CNTN3: variants seen among roughly 807,000 people sequenced by gnomAD.
The protein encoded by CNTN3 is contactin 3.
CNTN3 carries 60 observed loss-of-function variants against 119.1 expected under a neutral mutation model. The ratio of observed to expected loss-of-function variants is 0.50; its 90% CI spans 0.41 to 0.62. The LOEUF (loss-of-function observed/expected upper bound fraction) is 0.62, where lower values mean the gene tolerates loss of function less well. Ranked by LOEUF, CNTN3 falls within the 20% of genes least tolerant of loss-of-function variation. The probability of loss-of-function intolerance (pLI) is 0.00; values close to 1 mark genes in which losing one functional copy is unlikely to be tolerated. For missense variants in CNTN3, 1,101 were observed against 1,242.4 expected, an observed-to-expected ratio of 0.89 and a Z score of 1.71; for synonymous variants, 450 against 438.7, an observed-to-expected ratio of 1.03 and a Z score of -0.32.
chr3:74,515,387 GC>G (rs1703433531), intron 2 of CNTN3, among the ~76,000 whole-genome samples: 1 of 151,998 alleles, frequency 6.6e-6, no homozygotes, highest in South Asian at 2.1e-4. Flanking sequence ...TGAGGAAATG[GC>G]CTCTTTCCAC....
chr3:74,318,125 C>A (rs866593148), intron 13 of CNTN3, among the ~76,000 whole-genome samples: 1 of 152,178 alleles, frequency 6.6e-6, no homozygotes, highest in Admixed American at 6.5e-5. Flanking sequence ...TCCAGTTGAT[C>A]GCATCAGCTC....
At chr3:74,288,387 G>A (rs1702159381) in intron 19 of CNTN3, among the ~76,000 whole-genome samples, 1 of 151,830 alleles carries the variant, frequency 6.6e-6, no homozygotes, top group African/African-American at 2.4e-5. Context: ...TCGAACTCCT[G>A]ACCTAAGGTG....
At chr3:74,475,379 C>T (rs192651763) in intron 4 of CNTN3, among the ~76,000 whole-genome samples, 1 of 152,264 alleles carries the variant, frequency 6.6e-6, no homozygotes, top group African/African-American at 2.4e-5. Context: ...GTTGCTGGAA[C>T]AGTGTAATTA....
intron 5 of CNTN3, among the ~76,000 whole-genome samples, chr3:74,374,148 A>G (rs1449014834): frequency 1.3e-5 from 2 of 152,144 alleles, no homozygotes; most frequent in Non-Finnish European, 2.9e-5. Context: ...TTACAGCTAC[A>G]GCATCCTCAG....
At chr3:74,580,284 G>C (rs1345652778) in intron 1 of CNTN3, among the ~76,000 whole-genome samples, 1 of 152,158 alleles carries the variant, frequency 6.6e-6, no homozygotes, top group East Asian at 1.9e-4. Flanking sequence ...CTTCAGGCCA[G>C]AGACCTTAGT....
At chr3:74,512,172 A>G (rs1245833545) in intron 2 of CNTN3, among the ~76,000 whole-genome samples, 1 of 152,172 alleles carries the variant, frequency 6.6e-6, no homozygotes, top group African/African-American at 2.4e-5. Flanking sequence ...CATTGCATCA[A>G]ACTTTTAATT....
intron 13 of CNTN3, among the ~76,000 whole-genome samples, chr3:74,312,254 C>A (rs564887552): frequency 1.3e-5 from 2 of 151,922 alleles, no homozygotes; most frequent in East Asian, 3.9e-4. Context: ...GAGATCGAGA[C>A]CATCCTGGCA....
In CNTN3 at chr3:74,364,499, A is replaced by G. The variant is rs1266660478; in HGVS notation, c.1181T>C (p.Leu394Pro). The G allele has an allele frequency of 6.2e-7, 1 of 1,612,644 alleles. No homozygotes were observed. The highest frequency in any genetic ancestry group is 1.7e-5 in the Admixed American group (1 of 59,928). The change falls in exon 10 of 23, where the codon CTT (leucine) becomes CCT (proline). Residue 394 changes from leucine (L) to proline (P), a missense_variant. By Grantham distance (98) the Leu-to-Pro change is moderately conservative. Transcript: ENST00000263665. The part of the protein sequence containing the change: ...FQCIAENKHG[L>P]VYSSAELKVV... ...TTTGAGCTCAGCACTGGAATAAACA[A>G]GGCCATGTTTGTTTTCTGCTATGCA...
intron 10 of CNTN3, among the ~76,000 whole-genome samples, chr3:74,363,155 C>T (rs960348550): frequency 6.6e-6 from 1 of 152,240 alleles, no homozygotes; most frequent in African/African-American, 2.4e-5. Context: ...AAACTCCTCC[C>T]TCTTTTTGTC....
chr3:74,544,419 A>C (rs1453392549), intron 1 of CNTN3, among the ~76,000 whole-genome samples: 1 of 152,204 alleles, frequency 6.6e-6, no homozygotes, highest in Non-Finnish European at 1.5e-5. Context: ...TTTTATGAAC[A>C]CAAGAAGATT....
intron 13 of CNTN3, among the ~76,000 whole-genome samples, chr3:74,331,234 C>T (rs551531994): frequency 2.0e-5 from 3 of 152,074 alleles, no homozygotes; most frequent in African/African-American, 4.8e-5. Context: ...TCCTTTATGC[C>T]GTATTTTTAC....
At chr3:74,364,675 C>A in intron 9 of CNTN3, 79 bp from the exon 10 acceptor site, 1 of 1,231,626 alleles carries the variant, frequency 8.1e-7, no homozygotes, top group Non-Finnish European at 1.2e-6. Context: ...TCATTTCACT[C>A]ACACAGAAAC....
At chr3:74,419,078 T>G (rs1420434976) in intron 5 of CNTN3, among the ~76,000 whole-genome samples, 2 of 152,166 alleles carry the variant, frequency 1.3e-5, no homozygotes, top group Non-Finnish European at 2.9e-5. Flanking sequence ...ATTACAGGCA[T>G]GAGCCACCGC....
chr3:74,376,906 A>C (rs1019817885), intron 5 of CNTN3, among the ~76,000 whole-genome samples: 2 of 150,146 alleles, frequency 1.3e-5, no homozygotes, highest in Non-Finnish European at 3.0e-5. Context: ...AATTTTCAAA[A>C]AAACAAACAA....
intron 9 of CNTN3, 41 bp from the exon 10 acceptor site, chr3:74,364,637 C>G: frequency 2.6e-6 from 4 of 1,513,100 alleles, no homozygotes; most frequent in Non-Finnish European, 3.6e-6. Flanking sequence ...AACAAACATA[C>G]CACTTTAGAA....
chr3:74,443,033 T>G (rs1339216934), intron 4 of CNTN3, among the ~76,000 whole-genome samples: 1 of 152,172 alleles, frequency 6.6e-6, no homozygotes, highest in African/African-American at 2.4e-5. Flanking sequence ...TCCCCTGGAT[T>G]CTATACTTAT....
At chr3:74,328,666 G>A (rs532798655) in intron 13 of CNTN3, among the ~76,000 whole-genome samples, 7 of 152,228 alleles carry the variant, frequency 4.6e-5, no homozygotes, top group African/African-American at 1.7e-4. Flanking sequence ...ACTTTAAGCA[G>A]GAACTGAGCC....
chr3:74,417,989 C>G (rs1277743721), intron 5 of CNTN3, among the ~76,000 whole-genome samples: 1 of 152,138 alleles, frequency 6.6e-6, no homozygotes, highest in East Asian at 1.9e-4. Flanking sequence ...TTCTATTGTA[C>G]AGATGCCAAT....
At chr3:74,328,928 T>C (rs1367343536) in intron 13 of CNTN3, among the ~76,000 whole-genome samples, 2 of 152,198 alleles carry the variant, frequency 1.3e-5, no homozygotes, top group Non-Finnish European at 1.5e-5. Context: ...GCTGATGCTT[T>C]GAATTTGGAC....
Sources: gnomAD v4.1 joint callset for allele counts (sites outside exome capture counted in the v4.1 genomes callset) on GRCh38, gnomAD v4.1.1 for gene constraint, MANE v1.5 for transcripts, NCBI Gene and HGNC (gene_info 2026-07-23, HGNC 2026-07-21) for gene names.